Variants in MAP2K5 observed in about 807,000 individuals in gnomAD.
The protein encoded by MAP2K5 is mitogen-activated protein kinase kinase 5.
A neutral mutation model predicts 83.1 loss-of-function variants in MAP2K5; 49 were observed. The observed-to-expected ratio is 0.59, with a 90% CI of 0.47 to 0.75. MAP2K5 has a LOEUF of 0.75. MAP2K5 is among the 30% of genes least tolerant of loss of function. The pLI, the probability that MAP2K5 is intolerant of heterozygous loss-of-function variation, is 0.00. For synonymous variants in MAP2K5, 202 were observed against 191.8 expected (o/e 1.05, Z -0.44); for missense variants, 457 against 557.5 (o/e 0.82, Z 1.82).
Position 67,736,885 on chromosome 15 carries a change from C to A in MAP2K5, c.1074+8940C>A, listed in dbSNP as rs1217492793. 3.3e-5 allele frequency among the ~76,000 whole-genome samples: 5 copies of A among 152,186 alleles called. No individual in the cohort carries two copies. The highest frequency in any genetic ancestry group is 5.9e-5 in the Non-Finnish European group (4 of 68,028). On this transcript the variant is annotated intron_variant, in intron 17 of 21. Coordinates refer to ENST00000178640, the MANE Select transcript of MAP2K5 (RefSeq NM_145160.3). The surrounding 1 kb of genome is among the most constrained non-coding windows in gnomAD (Gnocchi z 4.3). ...GATGCAGTCTGCTACTTTATGGAAT[C>A]ATAGGATTTCAGCATGTGAAGAGAT...
chr15:67,638,577 G>A lies in MAP2K5; in HGVS notation c.585+7650G>A, dbSNP rs1009178908. ...TAATAGAATGCTTTATATTCATTTGGGTATATACCCAGTAATGGGATTGCT... is the reference window on the plus strand; with the variant it reads ...TAATAGAATGCTTTATATTCATTTGAGTATATACCCAGTAATGGGATTGCT... On this transcript the variant is annotated intron_variant, in intron 9 of 21. Transcript: ENST00000178640. This position sits in a 1 kb window ranked among gnomAD's most constrained non-coding sequence, Gnocchi z 4.5. 6.6e-6 allele frequency among the ~76,000 whole-genome samples: 1 copy of A among 152,114 alleles called. No individual in the cohort carries two copies. Among genetic ancestry groups the A allele is most frequent in the African/African-American group, 2.4e-5 (1 of 41,404 alleles).
intron 21 of MAP2K5, among the ~76,000 whole-genome samples, chr15:67,806,239 G>A (rs907082229): frequency 6.6e-6 from 1 of 152,230 alleles, no homozygotes; most frequent in Non-Finnish European, 1.5e-5. Context: ...TGATTCTTTG[G>A]TCTCTGGGCA....
chr15:67,725,628 G>A (rs1046380969), intron 16 of MAP2K5, among the ~76,000 whole-genome samples: 2 of 152,204 alleles, frequency 1.3e-5, no homozygotes, highest in African/African-American at 4.8e-5. Context: ...TGTTCTAAGT[G>A]CTTTGTAGTA....
chr15:67,546,478 C>A, intron 1 of MAP2K5: 1 of 484,434 alleles, frequency 2.1e-6, no homozygotes, highest in Non-Finnish European at 2.7e-6. Context: ...CACTGTGCAT[C>A]AAATAGCTGG....
Position 67,774,315 on chromosome 15 carries a change from G to A in MAP2K5, c.1242+1563G>A, listed in dbSNP as rs543868580. Among the ~76,000 whole-genome samples, 13 of 152,180 alleles carry A rather than the reference G, an allele frequency of 8.5e-5. No individual in the cohort carries two copies. The highest frequency in any genetic ancestry group is 3.1e-4 in the African/African-American group (13 of 41,500). On this transcript the variant is annotated intron_variant, in intron 21 of 21. Transcript: ENST00000178640. This position sits in a 1 kb window ranked among gnomAD's most constrained non-coding sequence, Gnocchi z 4.9. Reference sequence around the variant, plus strand: ...AAATCAATAAAATACAATGAAAAATGTTGTCACAGGAAGCACCATTCCATA... The same window carrying A: ...AAATCAATAAAATACAATGAAAAATATTGTCACAGGAAGCACCATTCCATA...
In MAP2K5 at chr15:67,640,619, A is replaced by T; in HGVS notation, c.586-5612A>T. The T allele has an allele frequency of 1.0e-6, 1 of 984,672 alleles. No individual in the cohort carries two copies. The highest frequency in any genetic ancestry group is 1.2e-6 in the Non-Finnish European group (1 of 829,230). The allele number at this position is 984,672 out of a possible 1,614,324, so 61.0% of individuals were successfully genotyped here. A position where few individuals can be genotyped will look rare whatever the true frequency, so the allele number is the denominator to read the frequency against. On this transcript the variant is annotated intron_variant, in intron 9 of 21. Transcript: ENST00000178640. The surrounding 1 kb of genome is among the most constrained non-coding windows in gnomAD (Gnocchi z 4.6). ...TGAGGGAAATTTAATTTTCCAAGCA[A>T]AGTGGTCAGTTGGACCCACACTTTG...
In MAP2K5 at chr15:67,783,490, T is replaced by C. The variant is rs1419063916; in HGVS notation, c.1242+10738T>C. On this transcript the variant is annotated intron_variant, in intron 21 of 21. Coordinates refer to ENST00000178640, the MANE Select transcript of MAP2K5 (RefSeq NM_145160.3). The surrounding 1 kb of genome is among the most constrained non-coding windows in gnomAD (Gnocchi z 5.1). The stretch of plus-strand genomic sequence containing the variant: ...CGAAACCCAACTGGCACAACCTCTG[T>C]GAAGCTTTGCTAAGCGTGCTTCAGT... Among the ~76,000 whole-genome samples, 1 of 151,694 alleles carries C rather than the reference T, an allele frequency of 6.6e-6. No individual in the cohort carries two copies. Among genetic ancestry groups the C allele is most frequent in the Non-Finnish European group, 1.5e-5 (1 of 67,738 alleles).
chr15:67,745,634 G>A (rs914047772), intron 17 of MAP2K5, among the ~76,000 whole-genome samples: 1 of 152,186 alleles, frequency 6.6e-6, no homozygotes, highest in Non-Finnish European at 1.5e-5. Flanking sequence ...AAATTTTCTG[G>A]TGGAATTAAC....
chr15:67,634,488 T>C (rs2086554814), intron 9 of MAP2K5, among the ~76,000 whole-genome samples: 2 of 151,868 alleles, frequency 1.3e-5, no homozygotes, highest in Admixed American at 1.3e-4. Flanking sequence ...CAGATATTTG[T>C]TATTAGATAT....
rs146841009 is a variant in MAP2K5, at chr15:67,748,176, G to A, written c.1075-55G>A. Reference sequence around the variant, plus strand: ...AATTTTCTCTCAGTGATCATAATGTGTCCAAGTGAGTCATTTTGATTATGA... The same window carrying A: ...AATTTTCTCTCAGTGATCATAATGTATCCAAGTGAGTCATTTTGATTATGA... On this transcript the variant is annotated intron_variant, in intron 17 of 21. Transcript: ENST00000178640. The surrounding 1 kb of genome is among the most constrained non-coding windows in gnomAD (Gnocchi z 4.0). 45 of 1,310,512 alleles carry A rather than the reference G, an allele frequency of 3.4e-5. No individual in the cohort carries two copies. The Admixed American group carries it at 6.0e-4, about 17-fold the overall frequency. The allele number at this position is 1,310,512 out of a possible 1,614,324, so 81.2% of individuals were successfully genotyped here. A position where few individuals can be genotyped will look rare whatever the true frequency, so the allele number is the denominator to read the frequency against.
chr15:67,731,642 G>T (rs535822133), intron 17 of MAP2K5, among the ~76,000 whole-genome samples: 6 of 152,268 alleles, frequency 3.9e-5, no homozygotes, highest in African/African-American at 1.4e-4. Flanking sequence ...CTCAGGCTGT[G>T]CATTCTACCT....
intron 8 of MAP2K5, among the ~76,000 whole-genome samples, chr15:67,620,796 G>A (rs1246053395): frequency 6.6e-6 from 1 of 152,144 alleles, no homozygotes; most frequent in Non-Finnish European, 1.5e-5. Flanking sequence ...AGTCAGGTAT[G>A]ATTGTTAAAA....
rs1452309849 is a variant in MAP2K5, at chr15:67,665,612, T to G, written c.847+967T>G. On this transcript the variant is annotated intron_variant, in intron 13 of 21. Transcript: ENST00000178640. The surrounding 1 kb of genome is among the most constrained non-coding windows in gnomAD (Gnocchi z 4.2). ...TGTGGTGGTTTTAATATCCTAGTGA[T>G]TCCACATTTCTTCTGAAATCCTCCT... Among the ~76,000 whole-genome samples the G allele has an allele frequency of 2.0e-5, 3 of 152,230 alleles. No individual in the cohort carries two copies. The highest frequency in any genetic ancestry group is 7.2e-5 in the African/African-American group (3 of 41,454).
intron 8 of MAP2K5, among the ~76,000 whole-genome samples, chr15:67,626,506 G>A (rs117466732): frequency 0.01 from 1,523 of 152,250 alleles, 11 homozygotes; most frequent in Non-Finnish European, 0.015. Context: ...TAGTCTGGGC[G>A]ACAGAGCAAG....
intron 9 of MAP2K5, chr15:67,641,368 C>T (rs918838238): frequency 3.4e-5 from 13 of 383,266 alleles, no homozygotes; most frequent in African/African-American, 2.9e-4. Context: ...ACAATTATGT[C>T]GCCATAGATT....
chr15:67,602,367 A>T (rs905782038), intron 8 of MAP2K5, among the ~76,000 whole-genome samples: 2 of 152,222 alleles, frequency 1.3e-5, no homozygotes, highest in African/African-American at 4.8e-5. Context: ...TTATGCTGAT[A>T]GCCAAATATA....
intron 7 of MAP2K5, among the ~76,000 whole-genome samples, chr15:67,597,581 A>T (rs561523046): frequency 6.6e-6 from 1 of 152,372 alleles, no homozygotes; most frequent in Non-Finnish European, 1.5e-5. Flanking sequence ...ATAAGCTTCT[A>T]AATAGCACTT....
intron 16 of MAP2K5, among the ~76,000 whole-genome samples, chr15:67,707,356 A>G (rs563630862): frequency 6.6e-6 from 1 of 152,240 alleles, no homozygotes; most frequent in Non-Finnish European, 1.5e-5. Context: ...AGCAAATCCA[A>G]TTTAAAATCA....
At chr15:67,762,228 T>A (rs533476652) in intron 19 of MAP2K5, among the ~76,000 whole-genome samples, 1 of 152,312 alleles carries the variant, frequency 6.6e-6, no homozygotes, top group Non-Finnish European at 1.5e-5. Context: ...TGAAATCCCT[T>A]CGGTATGAGA....
Sources: allele counts gnomAD v4.1 joint callset (sites outside exome capture counted in the v4.1 genomes callset), GRCh38; gene constraint gnomAD v4.1.1; non-coding constraint Gnocchi (gnomAD v3.1); transcripts MANE v1.5; gene names NCBI Gene and HGNC (gene_info 2026-07-23, HGNC 2026-07-21).